Variants in PSD3 observed in about 807,000 individuals in gnomAD.
PSD3 encodes PH and SEC7 domain-containing protein 3.
PSD3 carries 49 observed loss-of-function variants against 105.5 expected under a neutral mutation model. The ratio of observed to expected loss-of-function variants is 0.46; its 90% CI spans 0.37 to 0.59. The LOEUF is 0.59. PSD3 is among the 20% of genes least tolerant of loss of function. PSD3 has a pLI of 0.00. For missense variants in PSD3, 1,561 were observed against 1,263.8 expected (o/e 1.24, Z -3.57); for synonymous variants, 557 against 457.8 (o/e 1.22, Z -2.77).
At chr8:18,638,764 A>G (rs1028380674) in intron 10 of PSD3, among the ~76,000 whole-genome samples, 1 of 152,222 alleles carries the variant, frequency 6.6e-6, no homozygotes, top group Non-Finnish European at 1.5e-5. Flanking sequence ...GAAACTAGAA[A>G]CTACTCCAAA....
intron 2 of PSD3, among the ~76,000 whole-genome samples, chr8:18,920,597 C>G (rs1201031409): frequency 6.6e-6 from 1 of 152,212 alleles, no homozygotes; most frequent in Non-Finnish European, 1.5e-5. Context: ...AGAAAACTCA[C>G]TGATACTTAA....
intron 8 of PSD3, among the ~76,000 whole-genome samples, chr8:18,793,843 C>T (rs1010067028): frequency 6.6e-6 from 1 of 152,186 alleles, no homozygotes; most frequent in African/African-American, 2.4e-5. Context: ...GTGATCATTA[C>T]AGATGCAGAG....
intron 10 of PSD3, among the ~76,000 whole-genome samples, chr8:18,650,578 A>C (rs745435333): frequency 2.0e-5 from 3 of 152,176 alleles, no homozygotes; most frequent in Admixed American, 6.5e-5. Flanking sequence ...ATCTTTGTAC[A>C]GTCCTCCCTC....
intron 2 of PSD3, among the ~76,000 whole-genome samples, chr8:18,903,513 G>A (rs1311869250): frequency 6.6e-6 from 1 of 152,144 alleles, no homozygotes; most frequent in Non-Finnish European, 1.5e-5. Flanking sequence ...AGACTCTAGG[G>A]CCTAGACCAG....
At chr8:18,807,854 C>G (rs1229963114) in intron 4 of PSD3, among the ~76,000 whole-genome samples, 1 of 152,104 alleles carries the variant, frequency 6.6e-6, no homozygotes, top group Non-Finnish European at 1.5e-5. Flanking sequence ...ACCTGTAATC[C>G]CTGCACACTG....
chr8:18,664,112 T>G (rs957825284), intron 9 of PSD3, among the ~76,000 whole-genome samples: 2 of 152,148 alleles, frequency 1.3e-5, no homozygotes, highest in Admixed American at 6.5e-5. Flanking sequence ...TTAGACCAAT[T>G]AGTAATCCTG....
chr8:19,064,536 CTTCTT>C (rs1450820633), intron 1 of PSD3, among the ~76,000 whole-genome samples: 3 of 152,032 alleles, frequency 2.0e-5, no homozygotes, highest in Non-Finnish European at 4.4e-5. Context: ...ATTCCAATGG[CTTCTT>C]TTCAAGTAAA....
chr8:18,930,568 AATT>A (rs1405117642), intron 2 of PSD3, among the ~76,000 whole-genome samples: 2 of 135,208 alleles, frequency 1.5e-5, no homozygotes, highest in South Asian at 4.8e-4. Flanking sequence ...TAACTTTTTC[AATT>A]TTTTTTTTTT....
intron 2 of PSD3, among the ~76,000 whole-genome samples, chr8:18,933,266 A>C (rs1427758198): frequency 2.0e-5 from 3 of 152,322 alleles, no homozygotes; most frequent in Non-Finnish European, 4.4e-5. Flanking sequence ...GATACAGGGA[A>C]AACTACTCAA....
chr8:18,928,690 T>C lies in PSD3; in HGVS notation c.130+7344A>G, dbSNP rs1423075076. On this transcript the variant is annotated intron_variant, in intron 2 of 15. Coordinates refer to ENST00000327040, the MANE Select transcript of PSD3 (RefSeq NM_015310.4). ...TCTCTTTCTTCCTTCCTTCCTTTTT[T>C]TCTTTTTATCTTTCTCTTTTTCTTT... Among the ~76,000 whole-genome samples the C allele has an allele frequency of 2.6e-5, 4 of 152,240 alleles. No homozygotes were observed. The East Asian group carries it at 7.7e-4, about 29-fold the overall frequency.
intron 1 of PSD3, chr8:19,000,624 G>C (rs542962629): frequency 6.6e-6 from 1 of 151,796 alleles, no homozygotes; most frequent in Non-Finnish European, 1.5e-5. Context: ...ATTAATGAAA[G>C]TCACACACCT....
chr8:18,977,409 T>C (rs2129472477), intron 1 of PSD3, among the ~76,000 whole-genome samples: 1 of 152,244 alleles, frequency 6.6e-6, no homozygotes, highest in Middle Eastern at 3.4e-3. Context: ...CTGATGGCTT[T>C]TGTGGGGATT....
intron 1 of PSD3, among the ~76,000 whole-genome samples, chr8:18,964,769 C>A (rs1824137416): frequency 6.6e-6 from 1 of 152,276 alleles, no homozygotes; most frequent in South Asian, 2.1e-4. Context: ...TTTTTACATC[C>A]AAGCCACCCT....
At chr8:18,959,069 C>A (rs1398372088) in intron 1 of PSD3, among the ~76,000 whole-genome samples, 1 of 151,722 alleles carries the variant, frequency 6.6e-6, no homozygotes, top group Non-Finnish European at 1.5e-5. Context: ...TACAGGCACA[C>A]ATCATCACGC....
chr8:18,790,755 T>TGAGAAGG (rs1809643973), intron 8 of PSD3, among the ~76,000 whole-genome samples: 1 of 101,900 alleles, frequency 9.8e-6, no homozygotes, highest in Non-Finnish European at 2.2e-5. Context: ...CCCTGATCCT[T>TGAGAAGG]CTCTTAGGAC....
chr8:18,934,086 T>C (rs1400629826), intron 2 of PSD3, among the ~76,000 whole-genome samples: 1 of 152,108 alleles, frequency 6.6e-6, no homozygotes, highest in Non-Finnish European at 1.5e-5. Flanking sequence ...CTAAAAGAAG[T>C]TATTATATGG....
chr8:18,957,381 AAAAG>A (rs1244008314), intron 1 of PSD3, among the ~76,000 whole-genome samples: 1 of 152,028 alleles, frequency 6.6e-6, no homozygotes, highest in African/African-American at 2.4e-5. Flanking sequence ...AAAAAAAAAA[AAAAG>A]AATAAACAAC....
chr8:18,989,602 T>G (rs1282479843), intron 1 of PSD3, among the ~76,000 whole-genome samples: 4 of 152,238 alleles, frequency 2.6e-5, no homozygotes, highest in African/African-American at 7.2e-5. Context: ...CAAATCTCCT[T>G]AGTTCTGAGG....
At chr8:18,925,330 G>A (rs1243877998) in intron 2 of PSD3, among the ~76,000 whole-genome samples, 4 of 151,988 alleles carry the variant, frequency 2.6e-5, no homozygotes, top group African/African-American at 7.2e-5. Flanking sequence ...AGGAGTTCAA[G>A]GCTGCAGTGA....
Sources: allele counts gnomAD v4.1 joint callset (sites outside exome capture counted in the v4.1 genomes callset), GRCh38; gene constraint gnomAD v4.1.1; transcripts MANE v1.5; gene names NCBI Gene and HGNC (gene_info 2026-07-23, HGNC 2026-07-21).